LRRC7: variants seen among roughly 807,000 people sequenced by gnomAD.
LRRC7 encodes the protein leucine rich repeat containing 7.
A neutral mutation model predicts 175.7 loss-of-function variants in LRRC7; 23 were observed. The ratio of observed to expected loss-of-function variants is 0.13; its 90% CI spans 0.09 to 0.19. The LOEUF (loss-of-function observed/expected upper bound fraction) is 0.19. Ranked by LOEUF, LRRC7 falls within the 10% of genes least tolerant of loss-of-function variation. The probability of loss-of-function intolerance (pLI) is 1.00; values close to 1 mark genes in which losing one functional copy is unlikely to be tolerated. For synonymous variants in LRRC7, 685 were observed against 680.9 expected, an observed-to-expected ratio of 1.01 and a Z score of -0.09; for missense variants, 1,354 against 1,904.7, an observed-to-expected ratio of 0.71 and a Z score of 5.38.
At chr1:69,769,890 A>C (rs147481720) in intron 3 of LRRC7, among the ~76,000 whole-genome samples, 1 of 151,920 alleles carries the variant, frequency 6.6e-6, no homozygotes, top group Non-Finnish European at 1.5e-5. Context: ...GTTTTTTTTT[A>C]TTGTAGGCCA....
At chr1:69,874,451 C>T (rs1271968073) in intron 7 of LRRC7, 2 of 152,244 alleles carry the variant, frequency 1.3e-5, no homozygotes, top group Middle Eastern at 3.4e-3. Context: ...CCCATGTTAA[C>T]TCCTTTTTGG....
At chr1:69,682,284 G>T (rs1187161878) in intron 2 of LRRC7, among the ~76,000 whole-genome samples, 1 of 152,042 alleles carries the variant, frequency 6.6e-6, no homozygotes, top group Non-Finnish European at 1.5e-5. Context: ...CAAAATGTGG[G>T]ATCATAATTA....
At chr1:69,838,986 T>C (rs1234411939) in intron 7 of LRRC7, 1 of 213,186 alleles carries the variant, frequency 4.7e-6, no homozygotes. Context: ...ATTAAATCAG[T>C]ATAACTTGTA....
chr1:69,878,432 G>A (rs969943320), intron 7 of LRRC7, among the ~76,000 whole-genome samples: 1 of 152,184 alleles, frequency 6.6e-6, no homozygotes, highest in Non-Finnish European at 1.5e-5. Flanking sequence ...ACTGAGATTG[G>A]AGATACAGTG....
At chr1:69,871,487 T>A (rs1487865985) in intron 7 of LRRC7, among the ~76,000 whole-genome samples, 1 of 152,060 alleles carries the variant, frequency 6.6e-6, no homozygotes, top group Non-Finnish European at 1.5e-5. Context: ...AGTTTGTGTT[T>A]GAATTTGAGC....
At chr1:69,819,412 T>C (rs181605640) in intron 4 of LRRC7, among the ~76,000 whole-genome samples, 21 of 152,260 alleles carry the variant, frequency 1.4e-4, no homozygotes, top group Admixed American at 2.6e-4. Flanking sequence ...ATATATATCA[T>C]TGCTGTTGAA....
chr1:69,954,171 T>C (rs907395405), intron 8 of LRRC7, among the ~76,000 whole-genome samples: 8 of 151,838 alleles, frequency 5.3e-5, no homozygotes, highest in African/African-American at 1.9e-4. Context: ...AAAAATGAGT[T>C]GGATTTGGAT....
At chr1:69,948,686 A>T (rs988335467) in intron 8 of LRRC7, among the ~76,000 whole-genome samples, 1 of 152,144 alleles carries the variant, frequency 6.6e-6, no homozygotes, top group Non-Finnish European at 1.5e-5. Flanking sequence ...TGTGCCAGCT[A>T]CTTTTACGAG....
intron 3 of LRRC7, among the ~76,000 whole-genome samples, chr1:69,783,967 G>T (rs1674102374): frequency 6.6e-6 from 1 of 151,956 alleles, no homozygotes; most frequent in Non-Finnish European, 1.5e-5. Flanking sequence ...TAGCAGCATT[G>T]CTCATGTTAG....
intron 1 of LRRC7, among the ~76,000 whole-genome samples, chr1:69,656,842 TG>T (rs1475354323): frequency 6.6e-6 from 1 of 151,804 alleles, no homozygotes; most frequent in Non-Finnish European, 1.5e-5. Flanking sequence ...GTTAACCACT[TG>T]GGTATAACAA....
intron 7 of LRRC7, chr1:69,873,686 C>T (rs1030838078): frequency 7.3e-6 from 2 of 273,804 alleles, no homozygotes; most frequent in Admixed American, 4.5e-5. Flanking sequence ...CTTCTTACTG[C>T]CTAGTATCTA....
intron 1 of LRRC7, among the ~76,000 whole-genome samples, chr1:69,650,825 G>C (rs1655728277): frequency 6.6e-6 from 1 of 152,146 alleles, no homozygotes; most frequent in African/African-American, 2.4e-5. Context: ...GGCAGAATTT[G>C]GGAGCATATT....
intron 5 of LRRC7, among the ~76,000 whole-genome samples, chr1:69,826,373 T>C (rs1679914652): frequency 6.6e-6 from 1 of 152,132 alleles, no homozygotes; most frequent in African/African-American, 2.4e-5. Flanking sequence ...TGGGTATTTG[T>C]AGTCCAAGAT....
chr1:69,726,863 G>C (rs1667039343), intron 2 of LRRC7, among the ~76,000 whole-genome samples: 1 of 152,146 alleles, frequency 6.6e-6, no homozygotes, highest in Non-Finnish European at 1.5e-5. Context: ...GAATCTGGTG[G>C]TTAAGATATT....
chr1:69,973,966 C>G (rs372265525), intron 8 of LRRC7, among the ~76,000 whole-genome samples: 120 of 152,316 alleles, frequency 7.9e-4, no homozygotes, highest in African/African-American at 2.7e-3. Context: ...TGTTCCCCCT[C>G]CGAGTCGTAT....
At position 69,691,815 on chromosome 1, in the gene LRRC7, A is replaced by G. The variant is rs866886295; in HGVS notation, c.100+13337A>G. Among the ~76,000 whole-genome samples, 24 of 124,000 alleles carry G rather than the reference A, an allele frequency of 1.9e-4. 1 individual carries two copies. In the East Asian group the frequency reaches 3.1e-3, roughly 16 times the overall value. The allele number at this position is 124,000 out of a possible 152,430, so 81.3% of individuals were successfully genotyped here. A position where few individuals can be genotyped will look rare whatever the true frequency, so the allele number is the denominator to read the frequency against. On this transcript the variant is annotated intron_variant, in intron 2 of 26. Coordinates refer to ENST00000651989, the MANE Select transcript of LRRC7 (RefSeq NM_001370785.2). ...CCTGTCTCAAAAAAAAAAAAAAAAAAAAAAAAGAAAAGAAAAGAAGCAACT... is the reference window on the plus strand; with the variant it reads ...CCTGTCTCAAAAAAAAAAAAAAAAAGAAAAAAGAAAAGAAAAGAAGCAACT...
chr1:70,050,879 C>G (rs1453201594), intron 22 of LRRC7, among the ~76,000 whole-genome samples: 2 of 151,926 alleles, frequency 1.3e-5, no homozygotes, highest in Non-Finnish European at 2.9e-5. Flanking sequence ...TAAGGTGTCT[C>G]ATGCAAGAAA....
chr1:70,104,544 T>C (rs576666746), intron 25 of LRRC7, among the ~76,000 whole-genome samples: 1 of 152,124 alleles, frequency 6.6e-6, no homozygotes, highest in East Asian at 1.9e-4. Context: ...AGGATATACT[T>C]GGAAAAAAGG....
At chr1:69,759,362 A>C (rs1318892064) in intron 2 of LRRC7, among the ~76,000 whole-genome samples, 1 of 152,192 alleles carries the variant, frequency 6.6e-6, no homozygotes, top group East Asian at 1.9e-4. Context: ...AGGAGGAAAA[A>C]ATACATGAAA....
Sources: gnomAD v4.1 joint callset for allele counts (sites outside exome capture counted in the v4.1 genomes callset) on GRCh38, gnomAD v4.1.1 for gene constraint, MANE v1.5 for transcripts, NCBI Gene and HGNC (gene_info 2026-07-23, HGNC 2026-07-21) for gene names.